GPR75: variants seen among roughly 807,000 people sequenced by gnomAD.
The protein encoded by GPR75 is probable G protein-coupled receptor 75.
GPR75 carries 27 observed loss-of-function variants against 26.0 expected under a neutral mutation model. That is an observed-to-expected ratio of 1.04 (90% confidence interval 0.77 to 1.43). The LOEUF is 1.43. GPR75 is among the 40% of genes most tolerant of loss of function. GPR75 has a pLI of 0.00. For missense variants in GPR75, 699 were observed against 662.3 expected (o/e 1.06, Z -0.61); for synonymous variants, 285 against 256.3 (o/e 1.11, Z -1.07).
chr2:53,859,699 A>T, intron 1 of GPR75, 129 bp downstream of exon 1: 1 of 660,010 alleles, frequency 1.5e-6, no homozygotes. Context: ...TGCAGGCCGC[A>T]CCAGGAAGAC....
chr2:53,859,957 C>T lies in GPR75; in HGVS notation c.-239G>A, dbSNP rs1404416884. ...CACCGCCTCCGCGCATCCCGGGAGC[C>T]GCGGCAAGACGCGGGCGCAGAGGCG... On this transcript the variant is annotated 5_prime_UTR_variant, in exon 1 of 2. Coordinates refer to ENST00000394705, the MANE Select transcript of GPR75 (RefSeq NM_006794.4). The T allele has an allele frequency of 5.4e-6, 8 of 1,474,120 alleles. No individual in the cohort carries two copies. The East Asian group carries it at 2.0e-4, about 37-fold the overall frequency. The allele number at this position is 1,474,120 out of a possible 1,614,324, so 91.3% of individuals were successfully genotyped here.
chr2:53,857,580 C>A (rs927889624), intron 1 of GPR75, among the ~76,000 whole-genome samples: 2 of 151,768 alleles, frequency 1.3e-5, no homozygotes, highest in East Asian at 1.9e-4. Context: ...AGACCTCAGG[C>A]TAAGAGATAT....
Position 53,854,283 on chromosome 2 carries a change from A to C in GPR75, c.474T>G (p.Phe158Leu). Residue 158 changes from phenylalanine (F) to leucine (L), a missense_variant, in exon 2 of 2, where the codon TTT (phenylalanine) becomes TTG (leucine). Transcript: ENST00000394705. ...GCAGGGTGAGGAGTACGGTGCAGGG[A>C]AAGGAGGCCGTGCGATTAGGCTGTT... ...LGKQPNRTASFPCTVLLTLLL... is the reference protein window; with the variant it reads ...LGKQPNRTASLPCTVLLTLLL... The C allele has an allele frequency of 1.2e-6, 2 of 1,614,014 alleles. No homozygotes were observed. Among genetic ancestry groups the C allele is most frequent in the South Asian group, 1.1e-5 (1 of 91,060 alleles).
chr2:53,854,847 A>G lies in GPR75; in HGVS notation c.-91T>C. 1 of 981,248 alleles carries G rather than the reference A, an allele frequency of 1.0e-6. No homozygotes were observed. Among genetic ancestry groups the G allele is most frequent in the South Asian group, 1.5e-5 (1 of 64,856 alleles). 60.8% of individuals were successfully genotyped at this position (981,248 alleles called of 1,614,324 possible). A position where few individuals can be genotyped will look rare whatever the true frequency, so the allele number is the denominator to read the frequency against. On this transcript the variant is annotated 5_prime_UTR_variant, in exon 2 of 2. Transcript: ENST00000394705. Reference sequence around the variant, plus strand: ...ACAGATGAGCAATATGTGACAAAAGAGGCCCAAGACAGATAAGCCTACACA... The same window carrying G: ...ACAGATGAGCAATATGTGACAAAAGGGGCCCAAGACAGATAAGCCTACACA...
At chr2:53,856,431 T>C (rs1038088090) in intron 1 of GPR75, among the ~76,000 whole-genome samples, 1 of 152,246 alleles carries the variant, frequency 6.6e-6, no homozygotes, top group African/African-American at 2.4e-5. Context: ...CCAGGGCTGA[T>C]GTTCAGTGTA....
chr2:53,854,790 C>CA lies in GPR75; in HGVS notation c.-35dup. 1.3e-6 allele frequency: 2 copies of CA among 1,545,098 alleles called. No individual in the cohort carries two copies. Among genetic ancestry groups the CA allele is most frequent in the Non-Finnish European group, 1.8e-6 (2 of 1,129,106 alleles). ...AGAAATGTCTCCTTCTTCTGCTCCCCAAAAATACTCAGTGAGTCAGGGCCT... is the reference window on the plus strand; with the variant it reads ...AGAAATGTCTCCTTCTTCTGCTCCCCAAAAAATACTCAGTGAGTCAGGGCCT... On this transcript the variant is annotated 5_prime_UTR_variant, in exon 2 of 2. Transcript: ENST00000394705.
At chr2:53,859,191 T>C (rs1243685899) in intron 1 of GPR75, among the ~76,000 whole-genome samples, 1 of 151,794 alleles carries the variant, frequency 6.6e-6, no homozygotes, top group African/African-American at 2.4e-5. Flanking sequence ...TAGGTTAGCA[T>C]TTTCAAAGCC....
rs558099527 is a variant in GPR75, at chr2:53,853,716, G to A, written c.1041C>T (p.Ser347=). 6.2e-7 allele frequency: 1 copy of A among 1,613,742 alleles called. No homozygotes were observed. Among genetic ancestry groups the A allele is most frequent in the Admixed American group, 1.7e-5 (1 of 60,022 alleles). The change falls in exon 2 of 2, where the codon TCC becomes TCT. Residue 347 remains serine, a synonymous_variant. Coordinates refer to ENST00000394705, the MANE Select transcript of GPR75 (RefSeq NM_006794.4). ...LGISLVQVVL[S]SNGSFILYQF... ...GGTAAAGAATGAAGCTCCCATTGCT[G>A]GAGAGAACCACCTGTACCAAGGAAA...
chr2:53,859,446 C>CT (rs1353891176), intron 1 of GPR75, among the ~76,000 whole-genome samples: 1 of 152,142 alleles, frequency 6.6e-6, no homozygotes, highest in Non-Finnish European at 1.5e-5. Context: ...GAGTGGGAAA[C>CT]TGCGGGCAGG....
chr2:53,852,984 A>T lies in GPR75; in HGVS notation c.*150T>A. The T allele has an allele frequency of 3.3e-6, 2 of 604,398 alleles. No individual in the cohort carries two copies. The highest frequency in any genetic ancestry group is 3.0e-5 in the Admixed American group (1 of 33,844). The allele number at this position is 604,398 out of a possible 1,614,324, so 37.4% of individuals were successfully genotyped here. ...CAAACTACAAAGCAAATCAACAGATACTGACACATCAGATGAAAGAAAACC... is the reference window on the plus strand; with the variant it reads ...CAAACTACAAAGCAAATCAACAGATTCTGACACATCAGATGAAAGAAAACC... On this transcript the variant is annotated 3_prime_UTR_variant, in exon 2 of 2. Coordinates refer to ENST00000394705, the MANE Select transcript of GPR75 (RefSeq NM_006794.4).
At chr2:53,857,420 C>A (rs538178208) in intron 1 of GPR75, among the ~76,000 whole-genome samples, 37 of 152,090 alleles carry the variant, frequency 2.4e-4, no homozygotes, top group African/African-American at 8.7e-4. Flanking sequence ...CCAAGGGTTT[C>A]CTCTTTGGAG....
chr2:53,853,609 A>G lies in GPR75; in HGVS notation c.1148T>C (p.Leu383Pro), dbSNP rs773326437. ...PFIYSRNSAG[L>P]RRKVLWCLQY... Reference sequence around the variant, plus strand: ...GAGGCACCAGAGCACTTTCCTTCTCAGCCCTGCACTGTTCCGAGAATATAT... The same window carrying G: ...GAGGCACCAGAGCACTTTCCTTCTCGGCCCTGCACTGTTCCGAGAATATAT... The change falls in exon 2 of 2, where the codon CTG becomes CCG. Residue 383 changes from leucine (L) to proline (P), a missense_variant. Physicochemically the swap from Leu to Pro is moderately conservative, Grantham distance 98 (BLOSUM62 -3). Transcript: ENST00000394705. The G allele has an allele frequency of 1.9e-6, 3 of 1,613,980 alleles. 1 individual carries two copies. In the South Asian group the frequency reaches 3.3e-5, roughly 18 times the overall value.
Position 53,854,099 on chromosome 2 carries a change from C to T in GPR75, c.658G>A (p.Val220Ile), listed in dbSNP as rs1461548910. The T allele has an allele frequency of 1.2e-6, 2 of 1,614,022 alleles. No homozygotes were observed. Among genetic ancestry groups the T allele is most frequent in the Non-Finnish European group, 1.7e-6 (2 of 1,180,026 alleles). The change falls in exon 2 of 2, where the codon GTC becomes ATC. Residue 220 changes from valine (V) to isoleucine (I), a missense_variant. Transcript: ENST00000394705. Reference protein sequence around the residue: ...DFTFCVAVVSVSYIMIAQTLR... With the variant: ...DFTFCVAVVSISYIMIAQTLR... The stretch of plus-strand genomic sequence containing the variant: ...GTCTGAGCAATCATGATGTAAGAGA[C>T]AGAGACCACAGCAACACAGAAGGTG...
At chr2:53,859,305 T>G (rs1471094739) in intron 1 of GPR75, among the ~76,000 whole-genome samples, 2 of 152,002 alleles carry the variant, frequency 1.3e-5, no homozygotes, top group Non-Finnish European at 2.9e-5. Flanking sequence ...AAGGTCATTA[T>G]CTGATTTCAA....
rs994464381 is a variant in GPR75 at position 53,853,300 on chromosome 2, T to C, written c.1457A>G (p.Tyr486Cys). 4 of 1,614,082 alleles carry C rather than the reference T, an allele frequency of 2.5e-6. No homozygotes were observed. Among genetic ancestry groups the C allele is most frequent in the Admixed American group, 3.3e-5 (2 of 60,006 alleles). ...NTRIEPYYSI[Y>C]NSSPSQEESS... The stretch of plus-strand genomic sequence containing the variant: ...CTCCTCCTGGGAAGGGCTGCTGTTA[T>C]AGATGCTGTAGTAAGGTTCAATCCG... The change falls in exon 2 of 2, where the codon TAT (tyrosine) becomes TGT (cysteine). Residue 486 changes from tyrosine to cysteine, a missense_variant. Tyr to Cys is a radical substitution (Grantham distance 194). Transcript: ENST00000394705.
In GPR75 at chr2:53,859,875, C is replaced by T. The variant is rs1310995197; in HGVS notation, c.-157G>A. 3.9e-6 allele frequency: 6 copies of T among 1,532,612 alleles called. No individual in the cohort carries two copies. The Admixed American group carries it at 7.9e-5, about 20-fold the overall frequency. 94.9% of individuals were successfully genotyped at this position (1,532,612 alleles called of 1,614,324 possible). A position where few individuals can be genotyped will look rare whatever the true frequency, so the allele number is the denominator to read the frequency against. On this transcript the variant is annotated 5_prime_UTR_variant, in exon 1 of 2. Coordinates refer to ENST00000394705, the MANE Select transcript of GPR75 (RefSeq NM_006794.4). ...CCCCTCCTCCATCTCGCAGTCCGGACCCCAGCTCCGCCTGCCGCTCTGGAT... is the reference window on the plus strand; with the variant it reads ...CCCCTCCTCCATCTCGCAGTCCGGATCCCAGCTCCGCCTGCCGCTCTGGAT...
intron 1 of GPR75, among the ~76,000 whole-genome samples, chr2:53,855,918 C>G (rs1678214578): frequency 6.6e-6 from 1 of 152,094 alleles, no homozygotes; most frequent in African/African-American, 2.4e-5. Flanking sequence ...AGACGGAAAA[C>G]TGGAAGTAAC....
chr2:53,856,638 T>C (rs1678233241), intron 1 of GPR75, among the ~76,000 whole-genome samples: 1 of 152,222 alleles, frequency 6.6e-6, no homozygotes, highest in Admixed American at 6.5e-5. Flanking sequence ...CTATCAGACA[T>C]ATACCAGTCC....
At chr2:53,858,246 C>T (rs1678282561) in intron 1 of GPR75, among the ~76,000 whole-genome samples, 1 of 152,148 alleles carries the variant, frequency 6.6e-6, no homozygotes, top group South Asian at 2.1e-4. Flanking sequence ...CACCAGGCAC[C>T]TATTCTAGAG....
Sources: allele counts gnomAD v4.1 joint callset (sites outside exome capture counted in the v4.1 genomes callset), GRCh38; gene constraint gnomAD v4.1.1; transcripts MANE v1.5; gene names NCBI Gene and HGNC (gene_info 2026-07-23, HGNC 2026-07-21).